The following WFDC1 variants were observed in gnomAD, a reference collection of about 807,000 sequenced individuals.
WFDC1 encodes WAP four-disulfide core domain protein 1.
In WFDC1, 39 loss-of-function variants were observed where a neutral mutation model predicts 32.9. The ratio of observed to expected loss-of-function variants is 1.19; its 90% CI spans 0.92 to 1.55. WFDC1 has a LOEUF of 1.55. WFDC1 is among the 40% of genes most tolerant of loss of function. WFDC1 has a pLI of 0.00. For synonymous variants in WFDC1, 184 were observed against 137.4 expected (o/e 1.34, Z -2.37); for missense variants, 386 against 309.5 (o/e 1.25, Z -1.85).
rs964252871 is a variant in WFDC1, at chr16:84,312,950, T to C, written c.145-11T>C. On this transcript the variant is annotated splice_polypyrimidine_tract_variant and intron_variant, in intron 1 of 6. Transcript: ENST00000219454. ...CGCCCCAGAGCTGCTGACACCGCCCTCTCCCCGCAGGCCGAGGAGGCGGGC... is the reference window on the plus strand; with the variant it reads ...CGCCCCAGAGCTGCTGACACCGCCCCCTCCCCGCAGGCCGAGGAGGCGGGC... 8.7e-6 allele frequency: 10 copies of C among 1,152,798 alleles called. No homozygotes were observed. The East Asian group carries it at 1.3e-4, about 15-fold the overall frequency. The allele number at this position is 1,152,798 out of a possible 1,614,324, so 71.4% of individuals were successfully genotyped here.
At chr16:84,306,973 A>G (rs1332352268) in intron 1 of WFDC1, among the ~76,000 whole-genome samples, 1 of 152,150 alleles carries the variant, frequency 6.6e-6, no homozygotes, top group East Asian at 1.9e-4. Flanking sequence ...GTGAAGCTCC[A>G]CAAAGCAGGG....
At chr16:84,326,616 T>G in intron 5 of WFDC1, 2 of 439,578 alleles carry the variant, frequency 4.5e-6, no homozygotes, top group East Asian at 3.7e-5. Context: ...TCGGAAGCAA[T>G]TTGGCCATCC....
intron 2 of WFDC1, among the ~76,000 whole-genome samples, chr16:84,314,281 G>C (rs1907822537): frequency 6.6e-6 from 1 of 152,170 alleles, no homozygotes; most frequent in African/African-American, 2.4e-5. Context: ...GTCGGGGACA[G>C]TAAGTGGGGA....
chr16:84,323,619 T>C (rs572542710), intron 4 of WFDC1, among the ~76,000 whole-genome samples: 1 of 152,370 alleles, frequency 6.6e-6, no homozygotes, highest in Non-Finnish European at 1.5e-5. Flanking sequence ...GAGGTACTAA[T>C]TTTATGCCTA....
chr16:84,308,438 C>T (rs143598472), intron 1 of WFDC1, among the ~76,000 whole-genome samples: 1,876 of 152,246 alleles, frequency 0.012, 22 homozygotes, highest in Non-Finnish European at 0.02. Flanking sequence ...TGTGGGGTGG[C>T]GAGGGCCTAA....
Position 84,319,234 on chromosome 16 carries a change from G to A in WFDC1, c.422-197G>A, listed in dbSNP as rs905959593. The A allele has an allele frequency of 4.8e-6, 3 of 618,770 alleles. No homozygotes were observed. In the African/African-American group the frequency reaches 5.6e-5, roughly 11 times the overall value. 38.3% of individuals were successfully genotyped at this position (618,770 alleles called of 1,614,324 possible). A position where few individuals can be genotyped will look rare whatever the true frequency, so the allele number is the denominator to read the frequency against. Reference sequence around the variant, plus strand: ...ACTGCCTGTGTTTGTGTGCGTGTTTGTGGGTGTGCACGTGTGCCACATGCC... The same window carrying A: ...ACTGCCTGTGTTTGTGTGCGTGTTTATGGGTGTGCACGTGTGCCACATGCC... On this transcript the variant is annotated intron_variant, in intron 3 of 6. Transcript: ENST00000219454.
In WFDC1 at chr16:84,329,349, T is replaced by C. The variant is rs912307128; in HGVS notation, c.*43T>C. 1.3e-5 allele frequency: 2 copies of C among 152,302 alleles called. No individual in the cohort carries two copies. The highest frequency in any genetic ancestry group is 2.9e-5 in the Non-Finnish European group (2 of 68,130). 9.4% of individuals were successfully genotyped at this position (152,302 alleles called of 1,614,324 possible). A position where few individuals can be genotyped will look rare whatever the true frequency, so the allele number is the denominator to read the frequency against. Reference sequence around the variant, plus strand: ...AGGTTGCAAGAACATTCCTCTACTTTCTGCTAAGCCTTGGAAACAGTTGGG... The same window carrying C: ...AGGTTGCAAGAACATTCCTCTACTTCCTGCTAAGCCTTGGAAACAGTTGGG... On this transcript the variant is annotated 3_prime_UTR_variant, in exon 7 of 7. Coordinates refer to ENST00000219454, the MANE Select transcript of WFDC1 (RefSeq NM_021197.4).
intron 1 of WFDC1, among the ~76,000 whole-genome samples, chr16:84,307,278 C>T (rs562950604): frequency 2.1e-4 from 32 of 152,256 alleles, no homozygotes; most frequent in African/African-American, 7.7e-4. Context: ...AAGCTATTTC[C>T]CAGAACTCCA....
At chr16:84,318,016 T>A (rs1908059576) in intron 2 of WFDC1, 1 of 403,950 alleles carries the variant, frequency 2.5e-6, no homozygotes. Flanking sequence ...GGAAGTTGCA[T>A]GGTCACTGCT....
intron 1 of WFDC1, among the ~76,000 whole-genome samples, chr16:84,312,423 G>T (rs1907685895): frequency 6.6e-6 from 1 of 152,150 alleles, no homozygotes; most frequent in African/African-American, 2.4e-5. Flanking sequence ...GTTCTCTTTT[G>T]ATCTGGCTTT....
At chr16:84,306,468 G>T (rs1907265962) in intron 1 of WFDC1, among the ~76,000 whole-genome samples, 1 of 152,232 alleles carries the variant, frequency 6.6e-6, no homozygotes, top group South Asian at 2.1e-4. Flanking sequence ...CTCAGAAACT[G>T]AGGATGGCCG....
At chr16:84,326,991 A>G in intron 6 of WFDC1, 36 bp downstream of exon 6, 1 of 1,607,372 alleles carries the variant, frequency 6.2e-7, no homozygotes, top group Non-Finnish European at 8.5e-7. Context: ...TGGCCAGGGT[A>G]AATGTGGGCA....
In WFDC1 at chr16:84,322,414, C is replaced by G. The variant is rs1048629392; in HGVS notation, c.563-2005C>G. Among the ~76,000 whole-genome samples, 9 of 152,102 alleles carry G rather than the reference C, an allele frequency of 5.9e-5. No homozygotes were observed. In the South Asian group the frequency reaches 1.5e-3, roughly 25 times the overall value. ...TGTCCCAGCCTTACCAAGGAAGAAG[C>G]TTTTTATTTAAGTTTTTAAAAACTG... On this transcript the variant is annotated intron_variant, in intron 4 of 6. Coordinates refer to ENST00000219454, the MANE Select transcript of WFDC1 (RefSeq NM_021197.4).
chr16:84,301,871 A>G (rs925410496), intron 1 of WFDC1, among the ~76,000 whole-genome samples: 2 of 152,174 alleles, frequency 1.3e-5, no homozygotes, highest in Non-Finnish European at 2.9e-5. Flanking sequence ...GTGGAAATCA[A>G]CGAGTAAAGA....
chr16:84,312,590 A>G (rs969558961), intron 1 of WFDC1, among the ~76,000 whole-genome samples: 1 of 152,146 alleles, frequency 6.6e-6, no homozygotes, highest in Non-Finnish European at 1.5e-5. Context: ...ATATGTGTGT[A>G]CGTATATGTA....
chr16:84,316,183 G>A (rs1387575277), intron 2 of WFDC1: 1 of 152,226 alleles, frequency 6.6e-6, no homozygotes, highest in Non-Finnish European at 1.5e-5. Flanking sequence ...GAACCATCGC[G>A]TCATTCCTGT....
At chr16:84,320,049 T>C (rs971895212) in intron 4 of WFDC1, among the ~76,000 whole-genome samples, 2 of 152,206 alleles carry the variant, frequency 1.3e-5, no homozygotes, top group Admixed American at 1.3e-4. Context: ...TTGTTAGACT[T>C]TACGCTGGTG....
intron 1 of WFDC1, among the ~76,000 whole-genome samples, chr16:84,309,579 C>G (rs1000650319): frequency 6.6e-6 from 1 of 152,016 alleles, no homozygotes; most frequent in Non-Finnish European, 1.5e-5. Flanking sequence ...AACAAATGAC[C>G]ACAAACTGGG....
chr16:84,320,272 G>C (rs1261341589), intron 4 of WFDC1, among the ~76,000 whole-genome samples: 1 of 152,198 alleles, frequency 6.6e-6, no homozygotes, highest in Non-Finnish European at 1.5e-5. Flanking sequence ...TGTTCAGTAG[G>C]TTAACTGTGT....
Sources: allele counts gnomAD v4.1 joint callset (sites outside exome capture counted in the v4.1 genomes callset), GRCh38; gene constraint gnomAD v4.1.1; transcripts MANE v1.5; gene names NCBI Gene and HGNC (gene_info 2026-07-23, HGNC 2026-07-21).